CHLSN: variants seen among roughly 807,000 people sequenced by gnomAD.
CHLSN encodes the protein protein cholesin.
chr7:997,308 G>C, the CHLSN span: 37,825 of 314,390 alleles, frequency 0.12, 3,227 homozygotes, highest in African/African-American at 0.3. Context: ...TCCCTCCAAA[G>C]CAGATTCCTG....
chr7:1,048,746 C>T, the CHLSN span, among the ~76,000 whole-genome samples: 1 of 152,178 alleles, frequency 6.6e-6, no homozygotes, highest in African/African-American at 2.4e-5. Context: ...GTCCTGTCGC[C>T]CCTGTCCACA....
chr7:1,016,511 G>A, the CHLSN span, among the ~76,000 whole-genome samples: 1 of 131,910 alleles, frequency 7.6e-6, no homozygotes, highest in Non-Finnish European at 1.6e-5. Context: ...CAGCACAGCA[G>A]CGCACAGCAG....
chr7:1,093,174 G>A, the CHLSN span: 12 of 564,720 alleles, frequency 2.1e-5, 1 homozygote, highest in Admixed American at 4.4e-5. Flanking sequence ...CCTGCCTGCC[G>A]CTGCAGGAAA....
At chr7:1,055,138 A>G in the CHLSN span, 404 of 410,406 alleles carry the variant, frequency 9.8e-4, no homozygotes, top group Non-Finnish European at 1.4e-3. Context: ...AGGTGGGACA[A>G]GAGGCCAGCT....
chr7:1,016,649 CAGCACACAG>C, the CHLSN span, among the ~76,000 whole-genome samples: 19 of 88,922 alleles, frequency 2.1e-4, no homozygotes, highest in African/African-American at 9.4e-4. Flanking sequence ...CAGCGCACAG[CAGCACACAG>C]CAGCGCACAG....
the CHLSN span, among the ~76,000 whole-genome samples, chr7:1,030,766 A>ACT: frequency 8.4e-3 from 1,179 of 139,674 alleles, 9 homozygotes; most frequent in Middle Eastern, 0.029. Flanking sequence ...GCACGCGGGG[A>ACT]CTCTCTCTCT....
At chr7:1,072,676 CTTTTTTTTTTT>C in the CHLSN span, among the ~76,000 whole-genome samples, 1 of 110,314 alleles carries the variant, frequency 9.1e-6, no homozygotes, top group South Asian at 2.8e-4. Flanking sequence ...CTTTTCTTTC[CTTTTTTTTTTT>C]TTTTTTTTTT....
chr7:1,011,890 G>A, the CHLSN span, among the ~76,000 whole-genome samples: 6 of 152,260 alleles, frequency 3.9e-5, no homozygotes, highest in East Asian at 1.2e-3. Context: ...GGAAGGCCTG[G>A]GCCGCCCACA....
the CHLSN span, among the ~76,000 whole-genome samples, chr7:1,071,582 G>C: frequency 6.6e-6 from 1 of 151,998 alleles, no homozygotes; most frequent in Non-Finnish European, 1.5e-5. Context: ...GGGAGGAGAA[G>C]TACCACTGTG....
At chr7:1,070,269 C>G in the CHLSN span, among the ~76,000 whole-genome samples, 100 of 135,440 alleles carry the variant, frequency 7.4e-4, no homozygotes, top group Non-Finnish European at 1.0e-3. Flanking sequence ...GGGGGGTCAG[C>G]CCCCCGCCCG....
chr7:984,284 G>T, the CHLSN span: 1 of 1,261,754 alleles, frequency 7.9e-7, no homozygotes, highest in Admixed American at 2.7e-5. Context: ...GCATCTAGGC[G>T]TGCCCCCTCC....
chr7:1,044,188 C>T, the CHLSN span, among the ~76,000 whole-genome samples: 1 of 152,240 alleles, frequency 6.6e-6, no homozygotes, highest in Non-Finnish European at 1.5e-5. Flanking sequence ...CACTCATTTC[C>T]TTTGGAGGGC....
chr7:999,354 G>A, the CHLSN span, among the ~76,000 whole-genome samples: 2 of 152,332 alleles, frequency 1.3e-5, no homozygotes, highest in East Asian at 3.9e-4. Context: ...GGCTTCCCAG[G>A]CTGTTCCAGT....
the CHLSN span, among the ~76,000 whole-genome samples, chr7:1,075,093 C>A: frequency 2.0e-5 from 3 of 152,300 alleles, no homozygotes; most frequent in Middle Eastern, 3.4e-3. Flanking sequence ...CCAGGAGCAG[C>A]CTTGCCGCCA....
At chr7:1,069,099 G>A in the CHLSN span, among the ~76,000 whole-genome samples, 3 of 152,208 alleles carry the variant, frequency 2.0e-5, no homozygotes, top group African/African-American at 4.8e-5. Context: ...TTGGGAGGCC[G>A]AGGCGGGCGG....
the CHLSN span, chr7:1,092,277 G>A: frequency 1.2e-6 from 2 of 1,611,924 alleles, no homozygotes; most frequent in Admixed American, 1.7e-5. Context: ...TCATCTGGAT[G>A]GCATCCGTGT....
chr7:1,022,859 C>T, the CHLSN span: 2 of 356,000 alleles, frequency 5.6e-6, no homozygotes, highest in South Asian at 4.0e-5. Context: ...TCAGAAGACC[C>T]ACGCATACGA....
the CHLSN span, chr7:1,026,531 C>A: frequency 1.3e-5 from 2 of 152,208 alleles, no homozygotes; most frequent in Admixed American, 6.5e-5. Flanking sequence ...CAGGCAGCTC[C>A]GGCAGGAGCA....
At chr7:1,006,338 G>A in the CHLSN span, among the ~76,000 whole-genome samples, 18 of 152,048 alleles carry the variant, frequency 1.2e-4, no homozygotes, top group Non-Finnish European at 4.4e-5. Context: ...AAGAGCACAC[G>A]ACGGTCACAG....
Sources: allele counts gnomAD v4.1 joint callset (sites outside exome capture counted in the v4.1 genomes callset), GRCh38; gene constraint gnomAD v4.1.1; transcripts MANE v1.5; gene names NCBI Gene and HGNC (gene_info 2026-07-23, HGNC 2026-07-21).